Variants in GRID1 observed in about 807,000 individuals in gnomAD.
The protein encoded by GRID1 is glutamate ionotropic receptor delta type subunit 1, also known as glutamate receptor ionotropic, delta-1.
GRID1 carries 28 observed loss-of-function variants against 98.0 expected under a neutral mutation model. That is an observed-to-expected ratio of 0.29 (90% CI 0.21 to 0.39). The LOEUF (loss-of-function observed/expected upper bound fraction) is 0.39, where lower values mean the gene tolerates loss of function less well. GRID1 is among the 10% of genes least tolerant of loss of function. The pLI is 1.00. For missense variants in GRID1, 1,111 were observed against 1,340.5 expected (o/e 0.83, Z 2.67); for synonymous variants, 553 against 538.5 (o/e 1.03, Z -0.37).
At chr10:86,116,474 A>G (rs1338101956) in intron 4 of GRID1, among the ~76,000 whole-genome samples, 1 of 152,128 alleles carries the variant, frequency 6.6e-6, no homozygotes, top group African/African-American at 2.4e-5. Context: ...AAACAGCTGG[A>G]AGGATCAGGT....
intron 8 of GRID1, among the ~76,000 whole-genome samples, chr10:85,848,585 CTA>C: frequency 6.6e-6 from 1 of 152,160 alleles, no homozygotes; most frequent in East Asian, 1.9e-4. Context: ...ATCATGATCT[CTA>C]TGTATGAAGG....
At chr10:85,759,044 C>A (rs536094765) in intron 8 of GRID1, among the ~76,000 whole-genome samples, 3 of 152,330 alleles carry the variant, frequency 2.0e-5, no homozygotes, top group East Asian at 3.9e-4. Flanking sequence ...GTGTTTAAAA[C>A]CATGCCTAGG....
chr10:85,848,246 T>G (rs998023216), intron 8 of GRID1, among the ~76,000 whole-genome samples: 1 of 152,106 alleles, frequency 6.6e-6, no homozygotes, highest in Non-Finnish European at 1.5e-5. Context: ...ATCAGGAGCC[T>G]AAAAGAATTA....
At chr10:86,293,510 A>G (rs1564731016) in intron 2 of GRID1, among the ~76,000 whole-genome samples, 1 of 152,224 alleles carries the variant, frequency 6.6e-6, no homozygotes, top group East Asian at 1.9e-4. Context: ...AGAGCCATTT[A>G]CATGTTAAAG....
chr10:86,059,582 T>C (rs1843621689), intron 4 of GRID1, among the ~76,000 whole-genome samples: 1 of 152,242 alleles, frequency 6.6e-6, no homozygotes, highest in Admixed American at 6.5e-5. Flanking sequence ...AACTCTCCTG[T>C]TAAAGGGCAG....
chr10:85,699,065 T>C (rs1356745265), intron 12 of GRID1, among the ~76,000 whole-genome samples: 1 of 152,150 alleles, frequency 6.6e-6, no homozygotes, highest in African/African-American at 2.4e-5. Flanking sequence ...TTTGTTTTGT[T>C]TTTTTGAGAT....
intron 2 of GRID1, among the ~76,000 whole-genome samples, chr10:86,283,659 C>A (rs1374183959): frequency 2.6e-5 from 4 of 151,872 alleles, no homozygotes; most frequent in Admixed American, 6.6e-5. Context: ...CCTGCACATA[C>A]AACCTGCCCT....
intron 2 of GRID1, among the ~76,000 whole-genome samples, chr10:86,360,104 C>T (rs1023245322): frequency 2.6e-4 from 39 of 152,122 alleles, no homozygotes; most frequent in African/African-American, 8.9e-4. Flanking sequence ...ATATCCAGGC[C>T]GAGTTTCTTG....
At chr10:85,718,275 C>T (rs1841662320) in intron 12 of GRID1, among the ~76,000 whole-genome samples, 1 of 152,212 alleles carries the variant, frequency 6.6e-6, no homozygotes, top group Non-Finnish European at 1.5e-5. Context: ...CTGAAGCAAA[C>T]TTTTGCCTGG....
At chr10:86,256,050 C>T (rs1846912794) in intron 2 of GRID1, among the ~76,000 whole-genome samples, 2 of 152,178 alleles carry the variant, frequency 1.3e-5, no homozygotes. Context: ...AATCTTCCAG[C>T]TCAGCAGTAG....
chr10:86,141,966 C>T (rs1019453638), intron 3 of GRID1, among the ~76,000 whole-genome samples: 2 of 152,246 alleles, frequency 1.3e-5, no homozygotes, highest in African/African-American at 4.8e-5. Flanking sequence ...GCTCCAGCTC[C>T]GGCCTCAGCC....
rs543735584 is a variant in GRID1 at position 85,622,045 on chromosome 10, G to A, written c.2194-2012C>T. 3.9e-5 allele frequency among the ~76,000 whole-genome samples: 6 copies of A among 152,228 alleles called. No homozygotes were observed. The South Asian group carries it at 1.2e-3, about 32-fold the overall frequency. On this transcript the variant is annotated intron_variant, in intron 13 of 15. Transcript: ENST00000327946. ...ACATTTCAAGTGATGCTCCAAGAATGAAAACAAAATATGCTGGCTTAGAGA... is the reference window on the plus strand; with the variant it reads ...ACATTTCAAGTGATGCTCCAAGAATAAAAACAAAATATGCTGGCTTAGAGA...
At chr10:86,009,745 G>A (rs1842904035) in intron 4 of GRID1, among the ~76,000 whole-genome samples, 2 of 152,290 alleles carry the variant, frequency 1.3e-5, no homozygotes, top group South Asian at 4.1e-4. Flanking sequence ...ACATGAACAT[G>A]TTATGTGGAA....
chr10:86,331,285 G>C (rs575439503), intron 2 of GRID1, among the ~76,000 whole-genome samples: 5 of 152,250 alleles, frequency 3.3e-5, no homozygotes, highest in African/African-American at 1.2e-4. Flanking sequence ...GGACTCCCAT[G>C]CTAGACAGCC....
intron 2 of GRID1, among the ~76,000 whole-genome samples, chr10:86,316,879 A>G (rs1008537413): frequency 1.3e-5 from 2 of 152,220 alleles, no homozygotes; most frequent in Admixed American, 1.3e-4. Flanking sequence ...ATTACAAGCT[A>G]GTGCTTCTCA....
chr10:85,657,964 ACCCGC>A (rs1840921493), intron 12 of GRID1, among the ~76,000 whole-genome samples: 4 of 151,994 alleles, frequency 2.6e-5, no homozygotes, highest in Admixed American at 1.3e-4. Flanking sequence ...AGCTCTCAAC[ACCCGC>A]AAATATTTGC....
chr10:86,271,238 C>A (rs1847180874), intron 2 of GRID1, among the ~76,000 whole-genome samples: 1 of 152,212 alleles, frequency 6.6e-6, no homozygotes, highest in African/African-American at 2.4e-5. Context: ...GTAGAAAGGT[C>A]CTGCCTCAGT....
At chr10:86,103,204 C>A (rs2131946292) in intron 4 of GRID1, among the ~76,000 whole-genome samples, 1 of 152,284 alleles carries the variant, frequency 6.6e-6, no homozygotes, top group South Asian at 2.1e-4. Flanking sequence ...TATGACCACA[C>A]CCCTCACTGG....
At chr10:86,123,660 T>C (rs1844710733) in intron 4 of GRID1, among the ~76,000 whole-genome samples, 1 of 152,216 alleles carries the variant, frequency 6.6e-6, no homozygotes, top group Non-Finnish European at 1.5e-5. Context: ...TTGTTATTGC[T>C]GTTGCTTTTG....
Sources: gnomAD v4.1 joint callset for allele counts (sites outside exome capture counted in the v4.1 genomes callset) on GRCh38, gnomAD v4.1.1 for gene constraint, MANE v1.5 for transcripts, NCBI Gene and HGNC (gene_info 2026-07-23, HGNC 2026-07-21) for gene names.